ACTN2: variants seen among roughly 807,000 people sequenced by gnomAD.
ACTN2 encodes the protein actinin alpha 2.
A neutral mutation model predicts 113.8 loss-of-function variants in ACTN2; 39 were observed. That is an observed-to-expected ratio of 0.34 (90% confidence interval 0.27 to 0.45). ACTN2 has a LOEUF of 0.45. Among genes scored for constraint, ACTN2 ranks in the 20% least tolerant of loss-of-function variants. ACTN2 has a pLI of 1.00. For missense variants in ACTN2, 992 were observed against 1,177.9 expected (o/e 0.84, Z 2.31); for synonymous variants, 429 against 444.1 (o/e 0.97, Z 0.43).
rs781385336 is a variant in ACTN2, at chr1:236,720,118, C to A, written c.375C>A (p.Gly125=). 5 of 1,610,424 alleles carry A rather than the reference C, an allele frequency of 3.1e-6. No individual in the cohort carries two copies. The highest frequency in any genetic ancestry group is 4.2e-6 in the Non-Finnish European group (5 of 1,176,742). Residue 125 remains glycine, a synonymous_variant, in exon 4 of 21, where the codon GGC becomes GGA. Coordinates refer to ENST00000366578, the MANE Select transcript of ACTN2 (RefSeq NM_001103.4). ...TCTTACCTGCAGAAATTGTTGATGGCAACGTGAAAATGACCCTGGGTATGA... is the reference window on the plus strand; with the variant it reads ...TCTTACCTGCAGAAATTGTTGATGGAAACGTGAAAATGACCCTGGGTATGA... The part of the protein sequence containing the change: ...VSIGAEEIVD[G]NVKMTLGMIW...
At chr1:236,753,599 T>C (rs927296478) in intron 15 of ACTN2, among the ~76,000 whole-genome samples, 1 of 152,228 alleles carries the variant, frequency 6.6e-6, no homozygotes, top group Admixed American at 6.5e-5. Flanking sequence ...TCCTCTGTAC[T>C]CTGGACCTGG....
rs1572129140 is a variant in ACTN2 at position 236,735,684 on chromosome 1, C to G, written c.747C>G (p.Val249=). 1 of 1,614,236 alleles carries G rather than the reference C, an allele frequency of 6.2e-7. No homozygotes were observed. Among genetic ancestry groups the G allele is most frequent in the Non-Finnish European group, 8.5e-7 (1 of 1,180,046 alleles). Residue 249 remains valine (V), a synonymous_variant, in exon 8 of 21, where the codon GTC becomes GTG. Coordinates refer to ENST00000366578, the MANE Select transcript of ACTN2 (RefSeq NM_001103.4). ...KPDERAIMTY[V]SCFYHAFAGA... ...ATGAAAGAGCCATCATGACGTACGT[C>G]TCTTGCTTCTACCACGCTTTTGCGG... is the stretch of plus-strand genomic sequence containing the variant.
intron 13 of ACTN2, among the ~76,000 whole-genome samples, chr1:236,748,332 C>T (rs1659297009): frequency 6.6e-6 from 1 of 152,118 alleles, no homozygotes; most frequent in South Asian, 2.1e-4. Flanking sequence ...TTCTGCTTGA[C>T]TCTGATGATA....
chr1:236,742,926 C>G lies in ACTN2; in HGVS notation c.1138C>G (p.Gln380Glu). 1.9e-6 allele frequency: 3 copies of G among 1,614,206 alleles called. No individual in the cohort carries two copies. The highest frequency in any genetic ancestry group is 2.7e-5 in the African/African-American group (2 of 75,050). ...DIAGAWQRLE[Q>E]AEKGYEEWLL... Reference sequence around the variant, plus strand: ...TGCTGGTGCCTGGCAGAGGCTGGAGCAGGCTGAGAAGGGTTACGAGGAGTG... The same window carrying G: ...TGCTGGTGCCTGGCAGAGGCTGGAGGAGGCTGAGAAGGGTTACGAGGAGTG... The change falls in exon 11 of 21, where the codon CAG becomes GAG. Residue 380 changes from glutamine to glutamate, a missense_variant. Physicochemically the swap from Gln to Glu is conservative, Grantham distance 29. Coordinates refer to ENST00000366578, the MANE Select transcript of ACTN2 (RefSeq NM_001103.4).
chr1:236,693,176 TGCACACACACACACACAC>T (rs1046511465), intron 1 of ACTN2, among the ~76,000 whole-genome samples: 1 of 57,446 alleles, frequency 1.7e-5, no homozygotes, highest in Non-Finnish European at 3.5e-5. Flanking sequence ...TCTGCACACA[TGCACACACACACACACAC>T]ACACACACAC....
chr1:236,742,813 A>C, intron 10 of ACTN2, 83 bp from the exon 11 acceptor site: 1 of 1,543,702 alleles, frequency 6.5e-7, no homozygotes, highest in Non-Finnish European at 8.9e-7. Context: ...TAGTGGAGGG[A>C]TTTATAGAAG....
chr1:236,714,959 C>G (rs1572108767), intron 1 of ACTN2, among the ~76,000 whole-genome samples: 1 of 57,158 alleles, frequency 1.7e-5, no homozygotes, highest in Non-Finnish European at 3.3e-5. Context: ...TACACAGATA[C>G]CACTGAAGGG....
Position 236,726,038 on chromosome 1 carries a change from CT to C in ACTN2, c.536+19del, listed in dbSNP as rs750344269. 3.1e-6 allele frequency: 5 copies of C among 1,604,974 alleles called. No homozygotes were observed. The African/African-American group carries it at 6.7e-5, about 21-fold the overall frequency. On this transcript the variant is annotated intron_variant, in intron 5 of 20. Coordinates refer to ENST00000366578, the MANE Select transcript of ACTN2 (RefSeq NM_001103.4). ...CATACTAGGTGAGCACCCAGGGCCC[CT>C]GGTCCTTGTATTCTCAGTGGAATCT...
intron 12 of ACTN2, 55 bp downstream of exon 12, chr1:236,744,831 G>A: frequency 6.2e-7 from 1 of 1,611,992 alleles, no homozygotes; most frequent in Non-Finnish European, 8.5e-7. Flanking sequence ...CACAGAGAGG[G>A]GAGAGAAAGG....
chr1:236,715,691 C>T (rs887045323), intron 1 of ACTN2, among the ~76,000 whole-genome samples: 2 of 152,158 alleles, frequency 1.3e-5, no homozygotes, highest in Non-Finnish European at 2.9e-5. Flanking sequence ...TGTGGTGGCT[C>T]ATGCCTGTAA....
At chr1:236,707,888 T>A (rs2102878076) in intron 1 of ACTN2, among the ~76,000 whole-genome samples, 1 of 151,794 alleles carries the variant, frequency 6.6e-6, no homozygotes, top group East Asian at 2.0e-4. Context: ...ATTTTTGTAT[T>A]TTTAGTAGAG....
chr1:236,698,120 T>TA (rs1354159127), intron 1 of ACTN2, among the ~76,000 whole-genome samples: 2 of 151,950 alleles, frequency 1.3e-5, no homozygotes, highest in African/African-American at 4.8e-5. Context: ...TGAATTTACT[T>TA]ACGGTGGTGT....
At chr1:236,721,670 G>A (rs904593111) in intron 4 of ACTN2, among the ~76,000 whole-genome samples, 3 of 152,132 alleles carry the variant, frequency 2.0e-5, no homozygotes, top group African/African-American at 7.2e-5. Flanking sequence ...ATTGTAAGTT[G>A]TAATAATTTT....
At position 236,739,392 on chromosome 1, in the gene ACTN2, T is replaced by G; in HGVS notation, c.967T>G (p.Phe323Val). The change falls in exon 10 of 21, where the codon TTC becomes GTC. Residue 323 changes from phenylalanine to valine, a missense_variant. Phe to Val is a conservative substitution (Grantham distance 50, BLOSUM62 -1). This residue lies in a region of ACTN2 where 736 missense variants were observed against 815.4 expected (regional missense o/e 0.90). Coordinates refer to ENST00000366578, the MANE Select transcript of ACTN2 (RefSeq NM_001103.4). ...AGCCATGCAGAAGAAGCTGGAGGAC[T>G]TCCGGGATTACCGCCGGAAGCACAA... is the stretch of plus-strand genomic sequence containing the variant. ...MQAMQKKLED[F>V]RDYRRKHKPP... 6.2e-7 allele frequency: 1 copy of G among 1,613,884 alleles called. No homozygotes were observed. The highest frequency in any genetic ancestry group is 8.5e-7 in the Non-Finnish European group (1 of 1,179,974).
intron 1 of ACTN2, among the ~76,000 whole-genome samples, chr1:236,699,857 G>A (rs892968264): frequency 6.6e-6 from 1 of 152,146 alleles, no homozygotes; most frequent in Non-Finnish European, 1.5e-5. Flanking sequence ...TTCATGAATA[G>A]GTGATGACTA....
At chr1:236,716,096 CTTCTTT>C (rs1558231037) in intron 1 of ACTN2, among the ~76,000 whole-genome samples, 5 of 126,546 alleles carry the variant, frequency 4.0e-5, no homozygotes, top group Admixed American at 8.9e-5. Flanking sequence ...ATCCCTTCTT[CTTCTTT>C]TTTTTTTTTT....
rs1658537995 is a variant in ACTN2, at chr1:236,725,985, T to C, written c.501T>C (p.Pro167=). 1.2e-6 allele frequency: 2 copies of C among 1,614,198 alleles called. No individual in the cohort carries two copies. The highest frequency in any genetic ancestry group is 1.7e-6 in the Non-Finnish European group (2 of 1,180,028). Residue 167 remains proline (P), a synonymous_variant, in exon 5 of 21, where the codon CCT becomes CCC. Coordinates refer to ENST00000366578, the MANE Select transcript of ACTN2 (RefSeq NM_001103.4). ...TTTGGTGTCAGAGGAAAACTGCTCCTTATAGAAATGTGAACATTCAGAACT... is the reference window on the plus strand; with the variant it reads ...TTTGGTGTCAGAGGAAAACTGCTCCCTATAGAAATGTGAACATTCAGAACT... The part of the protein sequence containing the change: ...LLLWCQRKTA[P]YRNVNIQNFH...
intron 7 of ACTN2, 69 bp downstream of exon 7, chr1:236,731,383 G>A (rs1455689642): frequency 7.7e-7 from 1 of 1,306,188 alleles, no homozygotes; most frequent in African/African-American, 1.5e-5. Flanking sequence ...GCTACACATT[G>A]GGACCTTGCA....
chr1:236,758,303 A>ATTTTTTTTTTTTTTTTTTTTTTTT (rs1349813845), intron 18 of ACTN2, among the ~76,000 whole-genome samples: 2 of 135,914 alleles, frequency 1.5e-5, no homozygotes, highest in African/African-American at 6.4e-5. Context: ...TTTTTTTTTA[A>ATTTTTTTTTTTTTTTTTTTTTTTT]TGAGACGGAG....
Sources: allele counts gnomAD v4.1 joint callset (sites outside exome capture counted in the v4.1 genomes callset), GRCh38; gene constraint gnomAD v4.1.1; regional missense constraint gnomAD v4.1.1; transcripts MANE v1.5; gene names NCBI Gene and HGNC (gene_info 2026-07-23, HGNC 2026-07-21).